Variants in PKNOX2 observed in about 807,000 individuals in gnomAD.
PKNOX2 encodes homeobox protein PKNOX2.
In PKNOX2, 14 loss-of-function variants were observed where a neutral mutation model predicts 53.1. The ratio of observed to expected loss-of-function variants is 0.26; its 90% confidence interval spans 0.17 to 0.41. The LOEUF (loss-of-function observed/expected upper bound fraction) is 0.41. Among genes scored for constraint, PKNOX2 ranks in the 10% least tolerant of loss-of-function variants. PKNOX2 has a pLI of 1.00. For missense variants in PKNOX2, 496 were observed against 602.8 expected, an observed-to-expected ratio of 0.82 and a Z score of 1.85; for synonymous variants, 257 against 242.8, an observed-to-expected ratio of 1.06 and a Z score of -0.54.
At chr11:125,294,118 T>C (rs569485314) in intron 2 of PKNOX2, among the ~76,000 whole-genome samples, 40 of 152,370 alleles carry the variant, frequency 2.6e-4, no homozygotes, top group Admixed American at 6.5e-4. Flanking sequence ...TCTATTTAAC[T>C]TGTCATTTCA....
chr11:125,369,078 C>T (rs751118470), intron 5 of PKNOX2, among the ~76,000 whole-genome samples: 7 of 152,346 alleles, frequency 4.6e-5, no homozygotes, highest in Middle Eastern at 3.4e-3. Context: ...ACCCCAATGA[C>T]GGTGCCTTTA....
chr11:125,280,033 A>G (rs1476603849), intron 2 of PKNOX2, among the ~76,000 whole-genome samples: 1 of 151,332 alleles, frequency 6.6e-6, no homozygotes, highest in African/African-American at 2.4e-5. Context: ...TTATGAAGAA[A>G]TAATATCCAA....
chr11:125,420,451 G>C (rs1022308336), intron 10 of PKNOX2, among the ~76,000 whole-genome samples: 5 of 150,720 alleles, frequency 3.3e-5, no homozygotes, highest in African/African-American at 1.2e-4. Flanking sequence ...GCATGAACCT[G>C]GGAGGTAGAG....
At chr11:125,169,341 A>C (rs1955116099) in intron 1 of PKNOX2, among the ~76,000 whole-genome samples, 1 of 152,208 alleles carries the variant, frequency 6.6e-6, no homozygotes, top group African/African-American at 2.4e-5. Flanking sequence ...TGAGAAGCAG[A>C]ATTTAGAGGG....
At chr11:125,179,729 G>A (rs1031234853) in intron 1 of PKNOX2, among the ~76,000 whole-genome samples, 2 of 152,184 alleles carry the variant, frequency 1.3e-5, no homozygotes, top group Non-Finnish European at 2.9e-5. Context: ...CCAACATTTG[G>A]CTATAGTCCT....
intron 1 of PKNOX2, among the ~76,000 whole-genome samples, chr11:125,203,920 C>T (rs1023592488): frequency 2.6e-5 from 4 of 152,118 alleles, no homozygotes; most frequent in African/African-American, 7.2e-5. Context: ...GCTTCGTTTC[C>T]CCAAACCATG....
At chr11:125,428,957 G>C (rs1591570380) in intron 10 of PKNOX2, 55 bp from the exon 11 acceptor site, 1 of 1,540,906 alleles carries the variant, frequency 6.5e-7, no homozygotes. Context: ...CAGTCCCTTG[G>C]GGGGGCCAGA....
At chr11:125,404,247 C>T (rs575538853) in intron 7 of PKNOX2, among the ~76,000 whole-genome samples, 4 of 152,360 alleles carry the variant, frequency 2.6e-5, no homozygotes, top group African/African-American at 9.6e-5. Flanking sequence ...GGTTCCTCAC[C>T]CCCAGCCCTG....
Position 125,165,215 on chromosome 11 carries a change from C to T in PKNOX2, c.-201+439C>T, listed in dbSNP as rs539670173. 6.6e-6 allele frequency among the ~76,000 whole-genome samples: 1 copy of T among 151,598 alleles called. No individual in the cohort carries two copies. The highest frequency in any genetic ancestry group is 1.5e-5 in the Non-Finnish European group (1 of 67,852). ...GCCGGCCGCGCATTGTCCTCGGGTG[C>T]AAGGAGCCGGGCTGCGGACTCGAAT... On this transcript the variant is annotated intron_variant, in intron 1 of 12. Coordinates refer to ENST00000298282, the MANE Select transcript of PKNOX2 (RefSeq NM_001382323.2). This position sits in a 1 kb window ranked among gnomAD's most constrained non-coding sequence, Gnocchi z 4.5.
chr11:125,287,547 C>A (rs865943471), intron 2 of PKNOX2, among the ~76,000 whole-genome samples: 7 of 152,176 alleles, frequency 4.6e-5, no homozygotes, highest in African/African-American at 1.7e-4. Flanking sequence ...TTTCCTCTTC[C>A]GTCTTTAGCT....
chr11:125,377,482 C>G (rs565890611), intron 5 of PKNOX2, among the ~76,000 whole-genome samples: 7 of 152,234 alleles, frequency 4.6e-5, no homozygotes, highest in African/African-American at 1.2e-4. Flanking sequence ...GAAGGAGCAG[C>G]AGGAAGAAAG....
At chr11:125,381,001 C>T (rs538890445) in intron 5 of PKNOX2, among the ~76,000 whole-genome samples, 6 of 152,204 alleles carry the variant, frequency 3.9e-5, no homozygotes, top group African/African-American at 1.2e-4. Flanking sequence ...GAACAGCTTG[C>T]GAGAAGCCCA....
At chr11:125,310,147 G>C (rs1439469154) in intron 2 of PKNOX2, among the ~76,000 whole-genome samples, 1 of 152,142 alleles carries the variant, frequency 6.6e-6, no homozygotes, top group South Asian at 2.1e-4. Flanking sequence ...AGTTTGACAT[G>C]ACTGTTTTTC....
intron 7 of PKNOX2, among the ~76,000 whole-genome samples, chr11:125,403,437 A>G (rs1439573227): frequency 2.0e-5 from 3 of 152,182 alleles, no homozygotes; most frequent in Non-Finnish European, 4.4e-5. Context: ...GACGGTGAAC[A>G]TTTATTGAGC....
intron 1 of PKNOX2, among the ~76,000 whole-genome samples, chr11:125,176,161 C>T (rs1329447737): frequency 2.6e-5 from 4 of 152,164 alleles, no homozygotes; most frequent in African/African-American, 9.7e-5. Flanking sequence ...GGAATTGGGG[C>T]CTCCAAAGTG....
intron 2 of PKNOX2, among the ~76,000 whole-genome samples, chr11:125,317,452 A>T (rs1445145638): frequency 1.3e-5 from 2 of 152,242 alleles, no homozygotes; most frequent in Admixed American, 1.3e-4. Context: ...AAATAATAAG[A>T]CATGAAAGTC....
intron 6 of PKNOX2, among the ~76,000 whole-genome samples, chr11:125,392,707 A>C (rs928826114): frequency 6.6e-5 from 10 of 152,214 alleles, no homozygotes; most frequent in African/African-American, 2.4e-4. Context: ...TATATTTAAA[A>C]TAAATGAATA....
At chr11:125,298,640 C>T (rs573829413) in intron 2 of PKNOX2, among the ~76,000 whole-genome samples, 1 of 152,308 alleles carries the variant, frequency 6.6e-6, no homozygotes, top group East Asian at 1.9e-4. Flanking sequence ...CAGCCCTTAG[C>T]ACAGTACCAG....
chr11:125,240,957 G>C lies in PKNOX2; in HGVS notation c.-130+5842G>C, dbSNP rs533442369. 6.6e-6 allele frequency among the ~76,000 whole-genome samples: 1 copy of C among 152,292 alleles called. No homozygotes were observed. The highest frequency in any genetic ancestry group is 1.9e-4 in the East Asian group (1 of 5,178). On this transcript the variant is annotated intron_variant, in intron 2 of 12. Coordinates refer to ENST00000298282, the MANE Select transcript of PKNOX2 (RefSeq NM_001382323.2). The surrounding 1 kb of genome is among the most constrained non-coding windows in gnomAD (Gnocchi z 4.3). Reference sequence around the variant, plus strand: ...CCATTTATCATCAGAGCTAGCCAAGGAGAGCCTCCCGTATCTGGAGGAGCC... The same window carrying C: ...CCATTTATCATCAGAGCTAGCCAAGCAGAGCCTCCCGTATCTGGAGGAGCC...
Sources: gnomAD v4.1 joint callset for allele counts (sites outside exome capture counted in the v4.1 genomes callset) on GRCh38, gnomAD v4.1.1 for gene constraint, Gnocchi (gnomAD v3.1) non-coding constraint, MANE v1.5 for transcripts, NCBI Gene and HGNC (gene_info 2026-07-23, HGNC 2026-07-21) for gene names.